PRKD1: variants seen among roughly 807,000 people sequenced by gnomAD.
PRKD1 encodes the protein serine/threonine-protein kinase D1.
A neutral mutation model predicts 95.9 loss-of-function variants in PRKD1; 63 were observed. The ratio of observed to expected loss-of-function variants is 0.66; its 90% CI spans 0.54 to 0.81. The LOEUF is 0.81. Ranked by LOEUF, PRKD1 falls within the 30% of genes least tolerant of loss-of-function variation. The probability of loss-of-function intolerance (pLI) is 0.00; values close to 1 mark genes in which losing one functional copy is unlikely to be tolerated. For synonymous variants in PRKD1, 425 were observed against 423.1 expected, an observed-to-expected ratio of 1.00 and a Z score of -0.05; for missense variants, 1,048 against 1,165.3, an observed-to-expected ratio of 0.90 and a Z score of 1.47.
intron 13 of PRKD1, among the ~76,000 whole-genome samples, chr14:29,614,908 C>T (rs1166609768): frequency 7.2e-6 from 1 of 138,230 alleles, no homozygotes; most frequent in East Asian, 2.1e-4. Flanking sequence ...GACAGGGTTT[C>T]GCCATGTTGC....
At chr14:29,896,505 A>G (rs965449355) in intron 1 of PRKD1, among the ~76,000 whole-genome samples, 2 of 152,148 alleles carry the variant, frequency 1.3e-5, no homozygotes, top group African/African-American at 4.8e-5. Flanking sequence ...TAATCAGTAA[A>G]TCATCAGAAA....
chr14:29,625,641 T>A (rs1348352390), intron 12 of PRKD1, among the ~76,000 whole-genome samples: 1 of 152,230 alleles, frequency 6.6e-6, no homozygotes, highest in African/African-American at 2.4e-5. Flanking sequence ...CAATGGTTAG[T>A]GGCTCATGAT....
At chr14:29,731,434 T>G (rs1317211639) in intron 1 of PRKD1, among the ~76,000 whole-genome samples, 1 of 152,226 alleles carries the variant, frequency 6.6e-6, no homozygotes, top group African/African-American at 2.4e-5. Flanking sequence ...TGGCAAGTTC[T>G]ATAAATATCC....
chr14:29,889,764 T>A (rs938412750), intron 1 of PRKD1, among the ~76,000 whole-genome samples: 6 of 152,084 alleles, frequency 3.9e-5, no homozygotes, highest in Non-Finnish European at 7.4e-5. Flanking sequence ...AGAGGGATAG[T>A]GTTAGGAGAA....
chr14:29,853,592 T>G (rs982815676), intron 1 of PRKD1, among the ~76,000 whole-genome samples: 13 of 152,374 alleles, frequency 8.5e-5, no homozygotes, highest in African/African-American at 2.9e-4. Context: ...CGAAGGTCTT[T>G]GCACTATATT....
chr14:29,618,578 C>T (rs989272762), intron 13 of PRKD1, among the ~76,000 whole-genome samples: 6 of 152,158 alleles, frequency 3.9e-5, no homozygotes, highest in East Asian at 1.9e-4. Flanking sequence ...AACTAACACC[C>T]GTCTGAAACA....
intron 2 of PRKD1, among the ~76,000 whole-genome samples, chr14:29,712,111 C>T (rs772336301): frequency 1.3e-5 from 2 of 152,054 alleles, no homozygotes; most frequent in Admixed American, 6.6e-5. Flanking sequence ...AAAGTAATAC[C>T]AGATCTTTAT....
chr14:29,772,813 T>A (rs1476543029), intron 1 of PRKD1, among the ~76,000 whole-genome samples: 2 of 152,210 alleles, frequency 1.3e-5, no homozygotes, highest in African/African-American at 2.4e-5. Context: ...TTCTCTATTA[T>A]CTCCTATATG....
intron 1 of PRKD1, among the ~76,000 whole-genome samples, chr14:29,832,192 T>C (rs1470088789): frequency 6.6e-6 from 1 of 152,094 alleles, no homozygotes; most frequent in Non-Finnish European, 1.5e-5. Context: ...AATATAGAGA[T>C]AGTTCCCACC....
intron 1 of PRKD1, among the ~76,000 whole-genome samples, chr14:29,867,561 G>C (rs113103852): frequency 1.7e-3 from 265 of 152,358 alleles, no homozygotes; most frequent in African/African-American, 5.9e-3. Context: ...CATCACACAA[G>C]ACTCTGTGAG....
chr14:29,916,701 A>G (rs1377011545), intron 1 of PRKD1, among the ~76,000 whole-genome samples: 1 of 152,206 alleles, frequency 6.6e-6, no homozygotes, highest in African/African-American at 2.4e-5. Context: ...AGGATGCTAA[A>G]TGCAAAGATG....
chr14:29,661,165 T>C (rs1203940902), intron 4 of PRKD1, among the ~76,000 whole-genome samples: 1 of 152,200 alleles, frequency 6.6e-6, no homozygotes, highest in Non-Finnish European at 1.5e-5. Flanking sequence ...AATCTGTATC[T>C]GAAAAAGAAA....
At chr14:29,703,397 C>T (rs1054530238) in intron 2 of PRKD1, among the ~76,000 whole-genome samples, 1 of 152,164 alleles carries the variant, frequency 6.6e-6, no homozygotes. Context: ...CTGGTGCTAC[C>T]TGTGAATCGT....
At chr14:29,618,998 A>G (rs1205913314) in intron 13 of PRKD1, among the ~76,000 whole-genome samples, 1 of 152,158 alleles carries the variant, frequency 6.6e-6, no homozygotes, top group Admixed American at 6.5e-5. Flanking sequence ...GGAGGGCAAA[A>G]CTTGTTAGGC....
In PRKD1 at chr14:29,765,107, T is replaced by G. The variant is rs532756041; in HGVS notation, c.265-39433A>C. Among the ~76,000 whole-genome samples, 23 of 152,296 alleles carry G rather than the reference T, an allele frequency of 1.5e-4. 1 individual carries two copies. In the South Asian group the frequency reaches 3.9e-3, roughly 26 times the overall value. ...GGTGCCTGGCAGAAGCAAATATAGA[T>G]TATCTCTGTGGGAGTGTACCTTCAT... On this transcript the variant is annotated intron_variant, in intron 1 of 17. Transcript: ENST00000331968.
chr14:29,794,835 C>T (rs1889738896), intron 1 of PRKD1, among the ~76,000 whole-genome samples: 2 of 152,222 alleles, frequency 1.3e-5, no homozygotes, highest in Admixed American at 1.3e-4. Context: ...GGTATGATCA[C>T]AGTTGTAACC....
intron 1 of PRKD1, among the ~76,000 whole-genome samples, chr14:29,863,297 T>C (rs989919316): frequency 4.6e-5 from 7 of 152,174 alleles, no homozygotes; most frequent in Admixed American, 6.5e-5. Flanking sequence ...TTATTACTCA[T>C]AGATTAAGGC....
At chr14:29,822,336 TC>T (rs1285331367) in intron 1 of PRKD1, among the ~76,000 whole-genome samples, 3 of 152,248 alleles carry the variant, frequency 2.0e-5, no homozygotes, top group Non-Finnish European at 4.4e-5. Flanking sequence ...GATCTGAATT[TC>T]ATCTTACGGG....
At chr14:29,879,783 G>C (rs1893436879) in intron 1 of PRKD1, among the ~76,000 whole-genome samples, 1 of 152,146 alleles carries the variant, frequency 6.6e-6, no homozygotes, top group Admixed American at 6.5e-5. Context: ...ATGGAGATGA[G>C]GAACTTGTTG....
Sources: allele counts gnomAD v4.1 joint callset (sites outside exome capture counted in the v4.1 genomes callset), GRCh38; gene constraint gnomAD v4.1.1; transcripts MANE v1.5; gene names NCBI Gene and HGNC (gene_info 2026-07-23, HGNC 2026-07-21).